DPH6: variants seen among roughly 807,000 people sequenced by gnomAD.
DPH6 encodes diphthine--ammonia ligase.
Under a neutral mutation model 38.2 loss-of-function variants are expected in DPH6, and 33 were observed. The ratio of observed to expected loss-of-function variants is 0.86; its 90% CI spans 0.65 to 1.15. The LOEUF (loss-of-function observed/expected upper bound fraction) is 1.15. Ranked by LOEUF, DPH6 falls within the 50% of genes most tolerant of loss-of-function variation. DPH6 has a pLI of 0.00. For synonymous variants in DPH6, 108 were observed against 103.0 expected (o/e 1.05, Z -0.30); for missense variants, 325 against 320.0 (o/e 1.02, Z -0.12).
At chr15:35,258,913 C>A (rs908142705) in intron 3 of DPH6, among the ~76,000 whole-genome samples, 3 of 152,094 alleles carry the variant, frequency 2.0e-5, no homozygotes, top group African/African-American at 7.2e-5. Flanking sequence ...CTTTGGGCGG[C>A]CAAGATGGGC....
At chr15:35,486,893 C>T (rs374563473) in intron 3 of DPH6, among the ~76,000 whole-genome samples, 86 of 152,200 alleles carry the variant, frequency 5.7e-4, no homozygotes, top group African/African-American at 1.8e-3. Context: ...CAAGATACAA[C>T]GGGGGTACAG....
chr15:35,521,978 T>TA, intron 3 of DPH6: 1 of 1,461,178 alleles, frequency 6.8e-7, no homozygotes, highest in East Asian at 2.4e-5. Flanking sequence ...AGTACTAAAC[T>TA]AAGCCGTCAA....
At chr15:35,546,065 G>C (rs2055347848) in intron 1 of DPH6, 54 bp downstream of exon 1, 26 of 1,318,388 alleles carry the variant, frequency 2.0e-5, no homozygotes, top group Non-Finnish European at 2.6e-5. Context: ...GCGGCGGCTG[G>C]AAGGGACGAG....
intron 3 of DPH6, among the ~76,000 whole-genome samples, chr15:35,363,359 T>A (rs982241321): frequency 6.6e-6 from 1 of 152,188 alleles, no homozygotes; most frequent in Non-Finnish European, 1.5e-5. Context: ...TCCTGAAGAA[T>A]TGAGCATTTT....
At chr15:35,437,018 G>T (rs2053725420) in intron 5 of DPH6, among the ~76,000 whole-genome samples, 1 of 151,380 alleles carries the variant, frequency 6.6e-6, no homozygotes, top group African/African-American at 2.4e-5. Flanking sequence ...GGGTGTACGT[G>T]GGTAACAGCA....
chr15:35,275,645 C>T (rs1263767535), intron 3 of DPH6, among the ~76,000 whole-genome samples: 1 of 151,586 alleles, frequency 6.6e-6, no homozygotes, highest in Non-Finnish European at 1.5e-5. Context: ...ATGCAGCAAA[C>T]CACCATGGAA....
chr15:35,327,307 G>A (rs2052290475), downstream of DPH6, among the ~76,000 whole-genome samples: 1 of 148,212 alleles, frequency 6.7e-6, no homozygotes, highest in Non-Finnish European at 1.5e-5. Flanking sequence ...TGCTCCAAAA[G>A]TACTGACTAA....
intron 5 of DPH6, among the ~76,000 whole-genome samples, chr15:35,415,557 G>A (rs1483798008): frequency 6.6e-6 from 1 of 151,958 alleles, no homozygotes; most frequent in African/African-American, 2.4e-5. Flanking sequence ...AGAGATGGCT[G>A]TATTCCACAG....
At chr15:35,300,794 C>G (rs2052049364) in intron 3 of DPH6, among the ~76,000 whole-genome samples, 1 of 152,084 alleles carries the variant, frequency 6.6e-6, no homozygotes, top group Non-Finnish European at 1.5e-5. Flanking sequence ...ACTAAAGAAT[C>G]CCCCTTGGTC....
chr15:35,447,137 G>A (rs1054309229), intron 5 of DPH6, among the ~76,000 whole-genome samples: 1 of 152,058 alleles, frequency 6.6e-6, no homozygotes, highest in African/African-American at 2.4e-5. Flanking sequence ...CCAAAGTGCT[G>A]GGATTACAGG....
intron 3 of DPH6, among the ~76,000 whole-genome samples, chr15:35,305,082 A>G (rs2052079100): frequency 6.6e-6 from 1 of 152,144 alleles, no homozygotes. Flanking sequence ...ACCAACTCAT[A>G]TACTCATTAA....
chr15:35,488,088 T>C (rs187738103), intron 3 of DPH6, among the ~76,000 whole-genome samples: 317 of 152,260 alleles, frequency 2.1e-3, no homozygotes, highest in African/African-American at 7.1e-3. Context: ...AAGGTCCTCA[T>C]CTCCACCTGA....
chr15:35,299,111 CACT>C lies in DPH6; in HGVS notation n.200+74407_200+74409del, dbSNP rs542897506. ...TCTTTGTCCTTCCTCTCTGGCGTTT[CACT>C]ACTTTCTTACAATCGTTAGGAAACA... On this transcript the variant is annotated intron_variant and non_coding_transcript_variant, in intron 3 of 3. Transcript: ENST00000560386. 758 of 895,218 alleles carry C rather than the reference CACT, an allele frequency of 8.5e-4. 1 individual carries two copies. The highest frequency in any genetic ancestry group is 1.3e-3 in the Middle Eastern group (5 of 3,736). The allele number at this position is 895,218 out of a possible 1,614,324, so 55.5% of individuals were successfully genotyped here.
At chr15:35,366,007 AGTTGTGCTGAACCAAAT>A (rs1409688597), downstream of DPH6, 1 of 985,254 alleles carries the variant, frequency 1.0e-6, no homozygotes, top group Non-Finnish European at 1.2e-6. Flanking sequence ...AGGGTAGGAA[AGTTGTGCTGAACCAAAT>A]GTTGGCAAAT....
intron 3 of DPH6, among the ~76,000 whole-genome samples, chr15:35,532,298 C>A (rs2055099953): frequency 6.6e-6 from 1 of 152,124 alleles, no homozygotes; most frequent in Non-Finnish European, 1.5e-5. Context: ...AGATCAGCTG[C>A]CAACAACTTG....
chr15:35,420,716 C>T (rs949355659), intron 5 of DPH6, among the ~76,000 whole-genome samples: 2 of 151,910 alleles, frequency 1.3e-5, no homozygotes, highest in African/African-American at 2.4e-5. Context: ...GGGGTTTCAC[C>T]GTATTGGCCA....
the DPH6 span, among the ~76,000 whole-genome samples, chr15:35,189,109 C>T: frequency 6.6e-6 from 1 of 152,148 alleles, no homozygotes; most frequent in Non-Finnish European, 1.5e-5. Context: ...GAGATGATCA[C>T]TTCTTTGTTC....
chr15:35,184,345 A>G, the DPH6 span, among the ~76,000 whole-genome samples: 1 of 152,168 alleles, frequency 6.6e-6, no homozygotes, highest in East Asian at 1.9e-4. Context: ...TAGAAGTGCA[A>G]TTACTGGGAG....
intron 3 of DPH6, among the ~76,000 whole-genome samples, chr15:35,242,234 T>G (rs1595443063): frequency 1.4e-5 from 2 of 143,182 alleles, no homozygotes; most frequent in South Asian, 4.9e-4. Context: ...ACACACGTGC[T>G]CTCCCTGCTG....
Sources: allele counts gnomAD v4.1 joint callset (sites outside exome capture counted in the v4.1 genomes callset), GRCh38; gene constraint gnomAD v4.1.1; transcripts MANE v1.5; gene names NCBI Gene and HGNC (gene_info 2026-07-23, HGNC 2026-07-21).